Variants in SYNPO2 observed in about 807,000 individuals in gnomAD.
SYNPO2 encodes synaptopodin 2, also known as synaptopodin-2.
Under a neutral mutation model 85.0 loss-of-function variants are expected in SYNPO2, and 56 were observed. That is an observed-to-expected ratio of 0.66 (90% confidence interval 0.53 to 0.82). SYNPO2 has a LOEUF of 0.82. Among genes scored for constraint, SYNPO2 ranks in the 40% least tolerant of loss-of-function variants. SYNPO2 has a pLI of 0.00. For missense variants in SYNPO2, 1,575 were observed against 1,534.2 expected, an observed-to-expected ratio of 1.03 and a Z score of -0.44; for synonymous variants, 602 against 591.1, an observed-to-expected ratio of 1.02 and a Z score of -0.27.
intron 1 of SYNPO2, among the ~76,000 whole-genome samples, chr4:118,915,638 G>A (rs950916795): frequency 6.6e-6 from 1 of 152,072 alleles, no homozygotes; most frequent in Non-Finnish European, 1.5e-5. Context: ...GTGAACACGT[G>A]TTACTAGAAC....
At chr4:118,922,913 A>G (rs547799459) in intron 1 of SYNPO2, among the ~76,000 whole-genome samples, 1 of 152,296 alleles carries the variant, frequency 6.6e-6, no homozygotes, top group Non-Finnish European at 1.5e-5. Flanking sequence ...AGTATAGTTT[A>G]GCCATATTTG....
chr4:119,035,192 TTC>T (rs773450494), intron 4 of SYNPO2: 28 of 985,340 alleles, frequency 2.8e-5, no homozygotes, highest in Non-Finnish European at 3.4e-5. Flanking sequence ...CCTTAAACAT[TTC>T]TCTTTCCACA....
chr4:119,005,341 T>A, intron 1 of SYNPO2, among the ~76,000 whole-genome samples: 1 of 152,206 alleles, frequency 6.6e-6, no homozygotes, highest in Non-Finnish European at 1.5e-5. Flanking sequence ...GGTTTTCTTC[T>A]AGGGTTTTTA....
chr4:118,874,247 T>A (rs551829052), intron 1 of SYNPO2, among the ~76,000 whole-genome samples: 24 of 152,360 alleles, frequency 1.6e-4, no homozygotes, highest in Non-Finnish European at 2.5e-4. Context: ...ATTATTAGCT[T>A]CCAGAAGCCT....
intron 4 of SYNPO2, among the ~76,000 whole-genome samples, chr4:119,044,631 A>G (rs1331387486): frequency 2.0e-5 from 3 of 152,140 alleles, no homozygotes; most frequent in Non-Finnish European, 2.9e-5. Context: ...CCCAAGTTCA[A>G]GTGATTAAGA....
intron 1 of SYNPO2, among the ~76,000 whole-genome samples, chr4:118,918,961 A>G (rs565682827): frequency 6.6e-6 from 1 of 152,336 alleles, no homozygotes; most frequent in East Asian, 1.9e-4. Context: ...TACCAACCAG[A>G]CAGAATATGC....
At chr4:119,023,609 T>G (rs761702882) in intron 2 of SYNPO2, 28 bp downstream of exon 2, 2 of 1,599,442 alleles carry the variant, frequency 1.3e-6, no homozygotes, top group Non-Finnish European at 1.7e-6. Flanking sequence ...GAATATGTAT[T>G]TTCTCTTGAA....
intron 3 of SYNPO2, among the ~76,000 whole-genome samples, chr4:119,027,858 C>T (rs1016158811): frequency 4.1e-4 from 61 of 150,328 alleles, no homozygotes; most frequent in African/African-American, 1.4e-3. Flanking sequence ...AATAAAAGCT[C>T]TACCATTGAT....
chr4:119,033,934 G>C, intron 4 of SYNPO2: 1 of 985,256 alleles, frequency 1.0e-6, no homozygotes, highest in Non-Finnish European at 1.2e-6. Context: ...CAGAACAATG[G>C]GGCTGATTCT....
intron 4 of SYNPO2, chr4:119,044,083 C>A (rs1179772675): frequency 6.6e-6 from 1 of 151,958 alleles, no homozygotes; most frequent in Non-Finnish European, 1.5e-5. Context: ...CCCGAGACAT[C>A]CTTTCAGTGA....
chr4:118,924,042 G>A (rs4080793), intron 1 of SYNPO2, among the ~76,000 whole-genome samples: 130,896 of 152,090 alleles, frequency 0.86, 56,354 homozygotes, highest in Middle Eastern at 0.94. Context: ...TGTAGTTGAC[G>A]GGAGCTGTCT....
chr4:119,001,370 C>T (rs989197800), intron 1 of SYNPO2, among the ~76,000 whole-genome samples: 3 of 152,134 alleles, frequency 2.0e-5, no homozygotes, highest in African/African-American at 7.2e-5. Flanking sequence ...AGGACAGATA[C>T]TGAAATAAAA....
intron 4 of SYNPO2, chr4:119,038,566 A>G (rs949242055): frequency 3.0e-6 from 3 of 985,444 alleles, no homozygotes; most frequent in Non-Finnish European, 3.6e-6. Flanking sequence ...AATGTAACTC[A>G]GGGAACTTTC....
chr4:118,955,643 A>G (rs1434335562), intron 1 of SYNPO2, among the ~76,000 whole-genome samples: 1 of 152,140 alleles, frequency 6.6e-6, no homozygotes. Context: ...ATTATAGGAG[A>G]TAGTGGGAAG....
chr4:118,885,361 A>G (rs146273122), upstream of SYNPO2, among the ~76,000 whole-genome samples: 2,227 of 152,248 alleles, frequency 0.015, 31 homozygotes, highest in Non-Finnish European at 0.021. Context: ...AATAGAGACA[A>G]CAGTTAGGAG....
chr4:118,885,773 C>T (rs1183952831), upstream of SYNPO2, among the ~76,000 whole-genome samples: 2 of 152,202 alleles, frequency 1.3e-5, no homozygotes, highest in South Asian at 2.1e-4. Flanking sequence ...TGCAGCACTG[C>T]GCATAGCCAG....
intron 4 of SYNPO2, chr4:119,035,423 T>C (rs1355220933): frequency 3.2e-5 from 32 of 985,324 alleles, no homozygotes; most frequent in Non-Finnish European, 3.5e-5. Flanking sequence ...ATTTATCATT[T>C]TGACACATCC....
intron 1 of SYNPO2, among the ~76,000 whole-genome samples, chr4:118,962,827 T>A (rs1735158568): frequency 6.6e-6 from 1 of 152,208 alleles, no homozygotes; most frequent in African/African-American, 2.4e-5. Flanking sequence ...GACAAGTGCT[T>A]TTCTCCTTAC....
intron 1 of SYNPO2, among the ~76,000 whole-genome samples, chr4:118,953,599 C>A (rs1354229549): frequency 1.7e-5 from 2 of 120,798 alleles, no homozygotes; most frequent in East Asian, 4.4e-4. Context: ...TGAACTGTAG[C>A]CTTTTTTTTT....
Sources: gnomAD v4.1 joint callset for allele counts (sites outside exome capture counted in the v4.1 genomes callset) on GRCh38, gnomAD v4.1.1 for gene constraint, MANE v1.5 for transcripts, NCBI Gene and HGNC (gene_info 2026-07-23, HGNC 2026-07-21) for gene names.